Variants in KRT86 observed in about 807,000 individuals in gnomAD.
KRT86 encodes the protein keratin 86.
In KRT86, 30 loss-of-function variants were observed where a neutral mutation model predicts 41.2. That is an observed-to-expected ratio of 0.73 (90% confidence interval 0.54 to 0.99). The LOEUF is 0.99. Ranked by LOEUF, KRT86 falls within the 50% of genes least tolerant of loss-of-function variation. The pLI is 0.00. For synonymous variants in KRT86, 238 were observed against 238.1 expected (o/e 1.00, Z 0.00); for missense variants, 561 against 571.4 (o/e 0.98, Z 0.19).
At chr12:52,293,321 G>T (rs543242668) in intron 2 of KRT86, among the ~76,000 whole-genome samples, 2 of 152,244 alleles carry the variant, frequency 1.3e-5, no homozygotes, top group Non-Finnish European at 2.9e-5. Context: ...GGAAACCAAG[G>T]GTCAGGGAGG....
chr12:52,293,116 C>T (rs898178734), intron 2 of KRT86, among the ~76,000 whole-genome samples: 2 of 152,200 alleles, frequency 1.3e-5, no homozygotes, highest in African/African-American at 4.8e-5. Context: ...ACATTTCCCC[C>T]TGTATTAGGA....
intron 2 of KRT86, among the ~76,000 whole-genome samples, chr12:52,278,245 AC>A (rs1937683612): frequency 6.6e-6 from 1 of 152,058 alleles, no homozygotes; most frequent in Non-Finnish European, 1.5e-5. Flanking sequence ...ACCTCACAAA[AC>A]CCTGGCAGGG....
chr12:52,308,385 C>G lies in KRT86; in HGVS notation c.1280-19C>G. On this transcript the variant is annotated intron_variant, in intron 10 of 10. Coordinates refer to ENST00000423955, the MANE Select transcript of KRT86 (RefSeq NM_001320198.2). ...TCGCGGCTGCGCCTGACGCGCGCCT[C>G]CGTCTCTTTCCCCTGCAGGCGTCAG... 6.2e-7 allele frequency: 1 copy of G among 1,611,300 alleles called. No homozygotes were observed. The highest frequency in any genetic ancestry group is 8.5e-7 in the Non-Finnish European group (1 of 1,179,334).
intron 2 of KRT86, among the ~76,000 whole-genome samples, chr12:52,283,423 TAGAG>T (rs1937826997): frequency 9.9e-6 from 1 of 100,890 alleles, no homozygotes; most frequent in African/African-American, 3.8e-5. Flanking sequence ...AAAAGAATAA[TAGAG>T]CTTTAAATTG....
At chr12:52,286,344 T>G in intron 2 of KRT86, 2 of 1,555,028 alleles carry the variant, frequency 1.3e-6, no homozygotes, top group South Asian at 2.4e-5. Context: ...CCTCCGCAGG[T>G]GGTGTTCAAT....
At chr12:52,291,691 C>T (rs1938131636) in intron 2 of KRT86, among the ~76,000 whole-genome samples, 1 of 144,056 alleles carries the variant, frequency 6.9e-6, no homozygotes, top group Non-Finnish European at 1.5e-5. Context: ...GGCCTGCACC[C>T]TCTTCTTTGT....
intron 2 of KRT86, chr12:52,287,547 A>C (rs376117282): frequency 3.7e-5 from 59 of 1,613,772 alleles, no homozygotes; most frequent in Middle Eastern, 1.6e-4. Context: ...GCTGTGTGAC[A>C]ATGGTTAGGC....
At chr12:52,286,494 C>G (rs773652481) in intron 2 of KRT86, 2 of 1,552,052 alleles carry the variant, frequency 1.3e-6, no homozygotes, top group Admixed American at 1.9e-5. Flanking sequence ...CTGCTGACAC[C>G]TGTGAACCCC....
At chr12:52,287,661 C>A (rs765793025) in intron 2 of KRT86, 1 of 1,613,938 alleles carries the variant, frequency 6.2e-7, no homozygotes, top group Non-Finnish European at 8.5e-7. Flanking sequence ...TCATTGATCT[C>A]CTCCTTGGTG....
chr12:52,287,613 C>T, intron 2 of KRT86: 1 of 1,613,956 alleles, frequency 6.2e-7, no homozygotes, highest in Non-Finnish European at 8.5e-7. Context: ...TTGGCATTCT[C>T]CACCTCGGCC....
chr12:52,297,267 C>G lies in KRT86; in HGVS notation c.-4-4646C>G, dbSNP rs144394175. 4.6e-5 allele frequency among the ~76,000 whole-genome samples: 7 copies of G among 152,314 alleles called. No homozygotes were observed. In the East Asian group the frequency reaches 1.4e-3, roughly 29 times the overall value. On this transcript the variant is annotated intron_variant, in intron 2 of 10. Coordinates refer to ENST00000423955, the MANE Select transcript of KRT86 (RefSeq NM_001320198.2). ...AGTCATTGCATGCCTCAGTATCTGA[C>G]AGTATGTATGAAAAGTAGCCCTCTT... is the stretch of plus-strand genomic sequence containing the variant.
At position 52,306,222 on chromosome 12, in the gene KRT86, C is replaced by T; in HGVS notation, c.1189C>T (p.Leu397=). The change falls in exon 9 of 11, where the codon CTG becomes TTG. Residue 397 remains leucine, a synonymous_variant. Coordinates refer to ENST00000423955, the MANE Select transcript of KRT86 (RefSeq NM_001320198.2). ...GTACCAGGAGGTGATGAACTCCAAG[C>T]TGGGCCTGGACATCGAGATCGCCAC... ...REYQEVMNSK[L]GLDIEIATYR... is the part of the protein sequence containing the mutation. The T allele has an allele frequency of 6.2e-7, 1 of 1,613,760 alleles. No homozygotes were observed. Among genetic ancestry groups the T allele is most frequent in the South Asian group, 1.1e-5 (1 of 91,070 alleles).
intron 2 of KRT86, chr12:52,279,154 G>A (rs1937711261): frequency 6.6e-6 from 1 of 152,208 alleles, no homozygotes. Context: ...CGCCCCTGGC[G>A]GCGGCTACGC....
At chr12:52,282,349 C>T (rs10876263) in intron 2 of KRT86, among the ~76,000 whole-genome samples, 38,404 of 151,694 alleles carry the variant, frequency 0.25, 5,776 homozygotes, top group East Asian at 0.39. Flanking sequence ...TCTTCCGCCT[C>T]AGCCTCCCAG....
chr12:52,305,346 A>T lies in KRT86; in HGVS notation c.842A>T (p.Gln281Leu), dbSNP rs369890550. 6.2e-7 allele frequency: 1 copy of T among 1,614,266 alleles called. No homozygotes were observed. The highest frequency in any genetic ancestry group is 2.2e-5 in the East Asian group (1 of 44,886). Residue 281 changes from glutamine to leucine, a missense_variant, in exon 7 of 11, where the codon CAG becomes CTG. Gln to Leu is a moderately radical substitution (Grantham distance 113, BLOSUM62 -2). Around this residue, in one of 3 missense-constraint regions of KRT86, gnomAD observed 397 missense variants for 375.9 expected, o/e 1.06. Coordinates refer to ENST00000423955, the MANE Select transcript of KRT86 (RefSeq NM_001320198.2). ...TGCATCATTGCCGAGATCAAGGCACAGTACGATGACATTGTCACCCGTAGC... is the reference window on the plus strand; with the variant it reads ...TGCATCATTGCCGAGATCAAGGCACTGTACGATGACATTGTCACCCGTAGC... Reference protein sequence around the residue: ...MDCIIAEIKAQYDDIVTRSRA... With the variant: ...MDCIIAEIKALYDDIVTRSRA...
intron 2 of KRT86, chr12:52,286,183 C>T (rs968811428): frequency 5.5e-6 from 7 of 1,264,578 alleles, no homozygotes; most frequent in Admixed American, 4.0e-5. Flanking sequence ...TTGCTCCAGG[C>T]GCCTGGACTG....
rs192117741 is a variant in KRT86, at chr12:52,286,119, G to T, written c.-5+10173G>T. 321 of 767,598 alleles carry T rather than the reference G, an allele frequency of 4.2e-4. 2 individuals carry two copies. The African/African-American group carries it at 4.8e-3, about 12-fold the overall frequency. 47.5% of individuals were successfully genotyped at this position (767,598 alleles called of 1,614,324 possible). ...GAAGTGGGGGATCACACAGAGAAATGTGAGGCCAGGAGTGGGAGGGGTCTT... is the reference window on the plus strand; with the variant it reads ...GAAGTGGGGGATCACACAGAGAAATTTGAGGCCAGGAGTGGGAGGGGTCTT... On this transcript the variant is annotated intron_variant, in intron 2 of 10. Coordinates refer to ENST00000423955, the MANE Select transcript of KRT86 (RefSeq NM_001320198.2).
intron 2 of KRT86, 97 bp downstream of exon 2, chr12:52,276,043 T>A (rs542525472): frequency 2.0e-6 from 2 of 982,800 alleles, no homozygotes; most frequent in East Asian, 2.3e-4. Flanking sequence ...TTGGATTAGA[T>A]GGCTACACTT....
At chr12:52,301,876 G>A (rs755444963) in intron 2 of KRT86, 37 bp from the exon 3 acceptor site, 23 of 1,613,462 alleles carry the variant, frequency 1.4e-5, no homozygotes, top group African/African-American at 8.0e-5. Context: ...CCATTCGGAC[G>A]TCTCCATCCT....
Sources: allele counts gnomAD v4.1 joint callset (sites outside exome capture counted in the v4.1 genomes callset), GRCh38; gene constraint gnomAD v4.1.1; regional missense constraint gnomAD v4.1.1; transcripts MANE v1.5; gene names NCBI Gene and HGNC (gene_info 2026-07-23, HGNC 2026-07-21).